Variants in PHKB observed in about 807,000 individuals in gnomAD.
PHKB encodes phosphorylase b kinase regulatory subunit beta.
PHKB carries 122 observed loss-of-function variants against 152.1 expected under a neutral mutation model. The ratio of observed to expected loss-of-function variants is 0.80; its 90% CI spans 0.69 to 0.93. The LOEUF (loss-of-function observed/expected upper bound fraction) is 0.93. Among genes scored for constraint, PHKB ranks in the 40% least tolerant of loss-of-function variants. The pLI, the probability that PHKB is intolerant of heterozygous loss-of-function variation, is 0.00. For synonymous variants in PHKB, 436 were observed against 464.9 expected, an observed-to-expected ratio of 0.94 and a Z score of 0.80; for missense variants, 1,304 against 1,328.4, an observed-to-expected ratio of 0.98 and a Z score of 0.29.
chr16:47,687,906 TTTCTTACGG>T, intron 26 of PHKB, among the ~76,000 whole-genome samples: 1 of 152,246 alleles, frequency 6.6e-6, no homozygotes, highest in East Asian at 1.9e-4. Context: ...CTTAGCATTT[TTTCTTACGG>T]TTCTCTACAT....
At chr16:47,627,275 G>T (rs567091902) in intron 14 of PHKB, among the ~76,000 whole-genome samples, 1 of 152,190 alleles carries the variant, frequency 6.6e-6, no homozygotes, top group Non-Finnish European at 1.5e-5. Context: ...TGAGAACACC[G>T]TAGGTCAGAG....
intron 26 of PHKB, among the ~76,000 whole-genome samples, chr16:47,684,644 G>A (rs1178639607): frequency 6.6e-6 from 1 of 152,160 alleles, no homozygotes; most frequent in Non-Finnish European, 1.5e-5. Flanking sequence ...GCGGGCGCCT[G>A]TAGTCCCAGC....
At chr16:47,653,586 CAG>C (rs1223234588) in intron 20 of PHKB, among the ~76,000 whole-genome samples, 1 of 152,048 alleles carries the variant, frequency 6.6e-6, no homozygotes, top group Non-Finnish European at 1.5e-5. Context: ...TTAGGAAAAA[CAG>C]GAGTTAAAGA....
intron 7 of PHKB, among the ~76,000 whole-genome samples, chr16:47,558,499 A>G (rs945992560): frequency 6.6e-6 from 1 of 152,168 alleles, no homozygotes; most frequent in East Asian, 1.9e-4. Flanking sequence ...ATAAATTAAC[A>G]TATTTGTGAA....
Position 47,551,002 on chromosome 16 carries a change from G to A in PHKB, c.710+3454G>A, listed in dbSNP as rs528115996. Among the ~76,000 whole-genome samples the A allele has an allele frequency of 2.0e-4, 30 of 152,232 alleles. No homozygotes were observed. The South Asian group carries it at 2.1e-3, about 11-fold the overall frequency. On this transcript the variant is annotated intron_variant, in intron 7 of 30. Coordinates refer to ENST00000323584, the MANE Select transcript of PHKB (RefSeq NM_000293.3). The stretch of plus-strand genomic sequence containing the variant: ...CTTCTAGATTTTCTAGTTTATTTGC[G>A]TAGAGGTGTTTATAGTATTCTCTGA...
chr16:47,483,676 T>G (rs1970003854), intron 1 of PHKB, among the ~76,000 whole-genome samples: 1 of 152,108 alleles, frequency 6.6e-6, no homozygotes, highest in Non-Finnish European at 1.5e-5. Flanking sequence ...TAACAGAACA[T>G]AAGAGAATAG....
intron 20 of PHKB, among the ~76,000 whole-genome samples, chr16:47,657,583 A>G (rs1042149660): frequency 3.9e-5 from 6 of 152,170 alleles, no homozygotes; most frequent in South Asian, 2.1e-4. Flanking sequence ...GCTTTTTCCA[A>G]TACTAATATA....
intron 13 of PHKB, among the ~76,000 whole-genome samples, chr16:47,603,705 A>G (rs771582596): frequency 1.6e-4 from 25 of 152,046 alleles, no homozygotes; most frequent in Non-Finnish European, 2.8e-4. Flanking sequence ...GGGTTTCACC[A>G]TGTTGCCCAG....
intron 20 of PHKB, among the ~76,000 whole-genome samples, chr16:47,660,123 A>T (rs796795107): frequency 3.9e-5 from 6 of 152,314 alleles, no homozygotes; most frequent in African/African-American, 1.4e-4. Flanking sequence ...TGACACCCCA[A>T]AGTGCTGGGA....
At chr16:47,565,421 C>G (rs1971548391) in intron 7 of PHKB, 10 of 1,286,606 alleles carry the variant, frequency 7.8e-6, no homozygotes, top group Non-Finnish European at 1.1e-5. Context: ...TGCTCTGTAT[C>G]TGAGCTCTGT....
intron 7 of PHKB, among the ~76,000 whole-genome samples, chr16:47,577,475 G>GT (rs1971769480): frequency 6.6e-6 from 1 of 152,082 alleles, no homozygotes; most frequent in African/African-American, 2.4e-5. Flanking sequence ...TCTGATATAT[G>GT]TTTTTTCCTC....
chr16:47,492,733 CAG>C (rs1344191053), intron 1 of PHKB, among the ~76,000 whole-genome samples: 1 of 152,134 alleles, frequency 6.6e-6, no homozygotes, highest in Non-Finnish European at 1.5e-5. Flanking sequence ...CTGGGAGTGA[CAG>C]GGGTTGGGGC....
At chr16:47,577,250 G>A (rs1485036550) in intron 7 of PHKB, among the ~76,000 whole-genome samples, 1 of 151,880 alleles carries the variant, frequency 6.6e-6, no homozygotes, top group Non-Finnish European at 1.5e-5. Context: ...CATTTTATTA[G>A]TTCAAATGAA....
chr16:47,585,081 T>C (rs1227238342), intron 8 of PHKB, among the ~76,000 whole-genome samples: 1 of 152,182 alleles, frequency 6.6e-6, no homozygotes. Flanking sequence ...TTCAGAATCA[T>C]CTTCCAGTCC....
intron 1 of PHKB, 29 bp downstream of exon 1, chr16:47,461,455 C>A (rs747758822): frequency 1.1e-5 from 17 of 1,610,736 alleles, no homozygotes; most frequent in Admixed American, 1.7e-5. Flanking sequence ...CCGCCCCCCA[C>A]CCGAGTACCT....
chr16:47,555,278 C>G (rs1317460463), intron 7 of PHKB, among the ~76,000 whole-genome samples: 1 of 152,126 alleles, frequency 6.6e-6, no homozygotes, highest in Non-Finnish European at 1.5e-5. Flanking sequence ...TTTTTGAAAC[C>G]ATAGTACTGT....
intron 1 of PHKB, among the ~76,000 whole-genome samples, chr16:47,473,218 ATTTTTTTTTTTTTTT>A (rs1043960499): frequency 1.1e-3 from 54 of 48,774 alleles, no homozygotes; most frequent in East Asian, 2.9e-3. Flanking sequence ...TGCCTGGCTA[ATTTTTTTTTTTTTTT>A]TTTTTTTTTT....
chr16:47,618,933 G>A (rs1972568994), intron 14 of PHKB, among the ~76,000 whole-genome samples: 1 of 152,164 alleles, frequency 6.6e-6, no homozygotes, highest in Non-Finnish European at 1.5e-5. Context: ...CCTGAGAGTA[G>A]AGAATGTGTC....
intron 14 of PHKB, chr16:47,619,102 T>G (rs1174208943): frequency 6.6e-6 from 1 of 152,254 alleles, no homozygotes; most frequent in African/African-American, 2.4e-5. Flanking sequence ...CATTTTTTTC[T>G]GAGACAAATA....
Sources: gnomAD v4.1 joint callset for allele counts (sites outside exome capture counted in the v4.1 genomes callset) on GRCh38, gnomAD v4.1.1 for gene constraint, MANE v1.5 for transcripts, NCBI Gene and HGNC (gene_info 2026-07-23, HGNC 2026-07-21) for gene names.